The following TJP1 variants were observed in gnomAD, a reference collection of about 807,000 sequenced individuals.
TJP1 encodes tight junction protein ZO-1.
TJP1 carries 43 observed loss-of-function variants against 194.2 expected under a neutral mutation model. The ratio of observed to expected loss-of-function variants is 0.22; its 90% CI spans 0.17 to 0.29. TJP1 has a LOEUF of 0.29. TJP1 is among the 10% of genes least tolerant of loss of function. The probability of loss-of-function intolerance (pLI) is 1.00; values close to 1 mark genes in which losing one functional copy is unlikely to be tolerated. For synonymous variants in TJP1, 801 were observed against 779.0 expected, an observed-to-expected ratio of 1.03 and a Z score of -0.47; for missense variants, 1,971 against 2,185.7, an observed-to-expected ratio of 0.90 and a Z score of 1.96.
chr15:29,893,672 A>G (rs2053384521), intron 2 of TJP1, among the ~76,000 whole-genome samples: 1 of 152,184 alleles, frequency 6.6e-6, no homozygotes, highest in African/African-American at 2.4e-5. Flanking sequence ...ACAATGAAAC[A>G]TTTTAAAATT....
At position 29,732,437 on chromosome 15, in the gene TJP1, A is replaced by G; in HGVS notation, c.2013T>C (p.Ile671=). The G allele has an allele frequency of 6.2e-7, 1 of 1,613,018 alleles. No individual in the cohort carries two copies. Among genetic ancestry groups the G allele is most frequent in the Admixed American group, 1.7e-5 (1 of 60,014 alleles). ...LAREEPDIYQ[I]AKSEPRDAGT... is the part of the protein sequence containing the mutation. The stretch of plus-strand genomic sequence containing the variant: ...GTTAGCCTTGAGGCTACTTACTTGC[A>G]ATTTGATAAATATCTGGTTCTTCTC... The change falls in exon 15 of 28, where the codon ATT becomes ATC. Residue 671 remains isoleucine, a synonymous_variant. Coordinates refer to ENST00000614355, the MANE Select transcript of TJP1 (RefSeq NM_001330239.4).
rs532414371 is a variant in TJP1, at chr15:29,776,797, G to A, written c.85-3440C>T. Among the ~76,000 whole-genome samples the A allele has an allele frequency of 1.1e-4, 17 of 152,220 alleles. No individual in the cohort carries two copies. The East Asian group carries it at 3.3e-3, about 29-fold the overall frequency. On this transcript the variant is annotated intron_variant, in intron 2 of 27. Coordinates refer to ENST00000614355, the MANE Select transcript of TJP1 (RefSeq NM_001330239.4). ...TCAAGGTTATCAAAAGAGTCTTTAA[G>A]TACTGAAAAGCTACTGAGCTTATGG...
chr15:29,775,435 C>A (rs536528828), intron 2 of TJP1, among the ~76,000 whole-genome samples: 1 of 152,140 alleles, frequency 6.6e-6, no homozygotes, highest in African/African-American at 2.4e-5. Context: ...TGCTGTCACA[C>A]CTAAAATTGC....
At chr15:29,775,147 A>G (rs1272777088) in intron 2 of TJP1, among the ~76,000 whole-genome samples, 1 of 152,152 alleles carries the variant, frequency 6.6e-6, no homozygotes, top group East Asian at 1.9e-4. Flanking sequence ...GTTACTCAGT[A>G]GCTGTCAGTT....
rs1429265022 is a variant in TJP1, at chr15:29,894,960, G to A, written c.306+61272C>T. On this transcript the variant is annotated intron_variant, in intron 2 of 28. Coordinates refer to the TJP1 transcript ENST00000356107. Reference sequence around the variant, plus strand: ...CCTAGAATGTGGAGAGCAGAGCTTTGAGATGGTGCCCAGTTGTGCAGCAAG... The same window carrying A: ...CCTAGAATGTGGAGAGCAGAGCTTTAAGATGGTGCCCAGTTGTGCAGCAAG... 2.6e-5 allele frequency among the ~76,000 whole-genome samples: 4 copies of A among 152,216 alleles called. No individual in the cohort carries two copies. In the South Asian group the frequency reaches 8.3e-4, roughly 32 times the overall value.
At chr15:29,817,880 A>G (rs1212743453) in intron 1 of TJP1, among the ~76,000 whole-genome samples, 1 of 152,126 alleles carries the variant, frequency 6.6e-6, no homozygotes, top group African/African-American at 2.4e-5. Flanking sequence ...GAAAGCATTT[A>G]GGAAAAATAC....
chr15:29,752,933 G>A (rs948553436), intron 8 of TJP1, among the ~76,000 whole-genome samples: 3 of 151,918 alleles, frequency 2.0e-5, no homozygotes, highest in African/African-American at 4.8e-5. Flanking sequence ...AGCAGTACAC[G>A]CTTTGCCTTA....
intron 15 of TJP1, chr15:29,728,350 A>G (rs1457448411): frequency 1.4e-5 from 3 of 219,798 alleles, no homozygotes; most frequent in Non-Finnish European, 2.7e-5. Flanking sequence ...TGTAACATCC[A>G]GAGAAAATAT....
At chr15:29,866,787 G>A (rs534557422) in intron 2 of TJP1, among the ~76,000 whole-genome samples, 5 of 152,188 alleles carry the variant, frequency 3.3e-5, no homozygotes, top group South Asian at 2.1e-4. Context: ...AAAAAATAAC[G>A]AGGCCGTCTG....
intron 25 of TJP1, among the ~76,000 whole-genome samples, chr15:29,707,660 T>A (rs2041982929): frequency 6.6e-6 from 1 of 152,084 alleles, no homozygotes; most frequent in Non-Finnish European, 1.5e-5. Context: ...TCAATCGCCG[T>A]GGAATGAAAG....
chr15:29,704,224 TGTG>T lies in TJP1; in HGVS notation c.5147_5149del (p.Pro1716del). 1 of 1,593,174 alleles carries T rather than the reference TGTG, an allele frequency of 6.3e-7. No individual in the cohort carries two copies. The highest frequency in any genetic ancestry group is 8.5e-7 in the Non-Finnish European group (1 of 1,169,766). ...ACCGTCAGGAGTCATGGACGCACAG[TGTG>T]GTAAGCGCAGCTCCACAGGCTTCAG... is the stretch of plus-strand genomic sequence containing the variant. On this transcript the variant is annotated inframe_deletion, in exon 27 of 28. Transcript: ENST00000614355.
At chr15:29,908,047 G>GAAAAAAAAAAAAA in intron 2 of TJP1, among the ~76,000 whole-genome samples, 1 of 3,036 alleles carries the variant, frequency 3.3e-4, no homozygotes, top group East Asian at 0.011. Context: ...ACCTTATAAA[G>GAAAAAAAAAAAAA]CAAAAAAAAA....
intron 2 of TJP1, among the ~76,000 whole-genome samples, chr15:29,879,591 C>T (rs2052850883): frequency 6.6e-6 from 1 of 152,166 alleles, no homozygotes; most frequent in Non-Finnish European, 1.5e-5. Flanking sequence ...AACCATCTAC[C>T]CTAGCGACAG....
At chr15:29,765,805 C>T (rs573391873) in intron 5 of TJP1, among the ~76,000 whole-genome samples, 144 of 152,258 alleles carry the variant, frequency 9.5e-4, no homozygotes, top group African/African-American at 3.4e-3. Flanking sequence ...AGTGGGAGGA[C>T]TGCTTGAGCC....
chr15:29,729,145 A>G (rs1390707188), intron 15 of TJP1: 1 of 152,184 alleles, frequency 6.6e-6, no homozygotes, highest in Non-Finnish European at 1.5e-5. Flanking sequence ...TCATCTACAG[A>G]TAACTTAGCC....
chr15:29,865,204 T>C (rs540600802), intron 2 of TJP1, among the ~76,000 whole-genome samples: 1 of 152,320 alleles, frequency 6.6e-6, no homozygotes, highest in Non-Finnish European at 1.5e-5. Flanking sequence ...ACACCAATCC[T>C]TCTGATAAGA....
intron 2 of TJP1, among the ~76,000 whole-genome samples, chr15:29,903,507 T>TAC (rs2053700340): frequency 1.3e-5 from 2 of 151,522 alleles, no homozygotes; most frequent in African/African-American, 4.9e-5. Context: ...TGCAGTGGAG[T>TAC]GATCTCGGCT....
At chr15:29,892,798 C>A (rs2053355645) in intron 2 of TJP1, among the ~76,000 whole-genome samples, 1 of 152,170 alleles carries the variant, frequency 6.6e-6, no homozygotes, top group African/African-American at 2.4e-5. Context: ...TGGCAATGCA[C>A]CTGGTAATCC....
At chr15:29,719,203 T>A (rs555415991) in intron 20 of TJP1, 65 bp from the exon 21 acceptor site, 1 of 1,433,412 alleles carries the variant, frequency 7.0e-7, no homozygotes, top group Non-Finnish European at 9.4e-7. Context: ...TTTATTAGAC[T>A]GTGATTAAAT....
Sources: gnomAD v4.1 joint callset for allele counts (sites outside exome capture counted in the v4.1 genomes callset) on GRCh38, gnomAD v4.1.1 for gene constraint, MANE v1.5 for transcripts, NCBI Gene and HGNC (gene_info 2026-07-23, HGNC 2026-07-21) for gene names.